Variants in VPS13B observed in about 807,000 individuals in gnomAD.
VPS13B encodes the protein vacuolar protein sorting 13 homolog B.
In VPS13B, 285 loss-of-function variants were observed where a neutral mutation model predicts 426.4. The observed-to-expected ratio is 0.67, with a 90% CI of 0.61 to 0.74. The LOEUF (loss-of-function observed/expected upper bound fraction) is 0.74, where lower values mean the gene tolerates loss of function less well. Among genes scored for constraint, VPS13B ranks in the 30% least tolerant of loss-of-function variants. VPS13B has a pLI of 0.00. For missense variants in VPS13B, 4,537 were observed against 4,782.6 expected, an observed-to-expected ratio of 0.95 and a Z score of 1.51; for synonymous variants, 1,676 against 1,676.4, an observed-to-expected ratio of 1.00 and a Z score of 0.01.
At chr8:99,073,553 T>C (rs1844944872) in intron 3 of VPS13B, among the ~76,000 whole-genome samples, 1 of 152,120 alleles carries the variant, frequency 6.6e-6, no homozygotes, top group African/African-American at 2.4e-5. Context: ...GAGATACTGC[T>C]GATTTTTCTA....
chr8:99,435,384 T>G (rs1817317588), intron 22 of VPS13B, among the ~76,000 whole-genome samples: 1 of 152,200 alleles, frequency 6.6e-6, no homozygotes, highest in Non-Finnish European at 1.5e-5. Context: ...TTTGAGTAGT[T>G]CTGTAATAGG....
intron 19 of VPS13B, among the ~76,000 whole-genome samples, chr8:99,289,398 T>C (rs1370300002): frequency 6.6e-6 from 1 of 152,130 alleles, no homozygotes. Flanking sequence ...TGCCGTTCTT[T>C]TTTGTTTTTA....
rs144181844 is a variant in VPS13B at position 99,297,105 on chromosome 8, A to T, written c.2824+21851A>T. Among the ~76,000 whole-genome samples the T allele has an allele frequency of 3.3e-3, 502 of 152,298 alleles. 2 individuals carry two copies. The highest frequency in any genetic ancestry group is 0.012 in the African/African-American group (480 of 41,578). On this transcript the variant is annotated intron_variant, in intron 19 of 61. Coordinates refer to ENST00000357162, the MANE Select transcript of VPS13B (RefSeq NM_152564.5). ...AAATTCAGAAAATTTGAGACTTTAGATGCTAAAATGTAAAATGAAAGTAAG... is the reference window on the plus strand; with the variant it reads ...AAATTCAGAAAATTTGAGACTTTAGTTGCTAAAATGTAAAATGAAAGTAAG...
chr8:99,602,493 C>T (rs995765417), intron 33 of VPS13B, among the ~76,000 whole-genome samples: 2 of 151,748 alleles, frequency 1.3e-5, no homozygotes, highest in Non-Finnish European at 2.9e-5. Flanking sequence ...TTTTGGCTCT[C>T]ACCACTCCTA....
intron 35 of VPS13B, among the ~76,000 whole-genome samples, chr8:99,668,807 C>A (rs1196477082): frequency 6.6e-6 from 1 of 152,076 alleles, no homozygotes; most frequent in African/African-American, 2.4e-5. Flanking sequence ...CATTGCAGTT[C>A]GGCAATCCTG....
At chr8:99,840,400 A>C (rs1308690560) in intron 54 of VPS13B, among the ~76,000 whole-genome samples, 1 of 152,224 alleles carries the variant, frequency 6.6e-6, no homozygotes, top group Non-Finnish European at 1.5e-5. Flanking sequence ...TCACTTTTTA[A>C]AAAATTGTGA....
At chr8:99,572,288 C>G (rs927756941) in intron 31 of VPS13B, among the ~76,000 whole-genome samples, 2 of 152,250 alleles carry the variant, frequency 1.3e-5, no homozygotes, top group East Asian at 3.9e-4. Context: ...TCATCTTTTA[C>G]CATGTACTTC....
intron 54 of VPS13B, among the ~76,000 whole-genome samples, chr8:99,839,585 G>C (rs907713216): frequency 3.9e-5 from 6 of 152,174 alleles, no homozygotes; most frequent in Non-Finnish European, 8.8e-5. Context: ...AACTAAGCAG[G>C]AGCAAGCCGG....
chr8:99,151,396 C>G lies in VPS13B; in HGVS notation c.2013+3386C>G, dbSNP rs535580876. ...TTTAGTGAAGTCCTGCTTATCAATTCTTTGTTTTATAGATTGTGCCTTTTG... is the reference window on the plus strand; with the variant it reads ...TTTAGTGAAGTCCTGCTTATCAATTGTTTGTTTTATAGATTGTGCCTTTTG... On this transcript the variant is annotated intron_variant, in intron 14 of 61. Transcript: ENST00000357162. Among the ~76,000 whole-genome samples, 9 of 152,120 alleles carry G rather than the reference C, an allele frequency of 5.9e-5. No individual in the cohort carries two copies. The South Asian group carries it at 1.7e-3, about 28-fold the overall frequency.
At chr8:99,201,345 A>T (rs1188599356) in intron 17 of VPS13B, among the ~76,000 whole-genome samples, 1 of 152,006 alleles carries the variant, frequency 6.6e-6, no homozygotes, top group Non-Finnish European at 1.5e-5. Context: ...TTCATTGATT[A>T]CTACTAAGAA....
At chr8:99,029,002 G>A (rs1314623317) in intron 2 of VPS13B, among the ~76,000 whole-genome samples, 1 of 150,154 alleles carries the variant, frequency 6.7e-6, no homozygotes, top group African/African-American at 2.5e-5. Flanking sequence ...CCGGGCGGAG[G>A]GGCTCCTCAC....
chr8:99,685,387 T>C (rs1308299377), intron 35 of VPS13B, among the ~76,000 whole-genome samples: 1 of 152,224 alleles, frequency 6.6e-6, no homozygotes, highest in Non-Finnish European at 1.5e-5. Flanking sequence ...AAAATCAGAC[T>C]GTTAGTTGGC....
At chr8:99,264,368 T>C (rs1818198458) in intron 17 of VPS13B, among the ~76,000 whole-genome samples, 1 of 152,146 alleles carries the variant, frequency 6.6e-6, no homozygotes, top group Admixed American at 6.5e-5. Flanking sequence ...TTTCTTGATT[T>C]ACTCTCTTTT....
chr8:99,282,520 C>T (rs1288777586), intron 19 of VPS13B, among the ~76,000 whole-genome samples: 2 of 152,124 alleles, frequency 1.3e-5, no homozygotes, highest in Non-Finnish European at 2.9e-5. Context: ...TATGAACCTA[C>T]TTGGAAAGCT....
intron 21 of VPS13B, among the ~76,000 whole-genome samples, chr8:99,429,092 G>A (rs1055835799): frequency 2.0e-5 from 3 of 152,088 alleles, no homozygotes; most frequent in African/African-American, 7.2e-5. Context: ...AGAACACATG[G>A]ACACAGGAAG....
chr8:99,167,167 C>G (rs1158301658), intron 15 of VPS13B, among the ~76,000 whole-genome samples: 1 of 152,086 alleles, frequency 6.6e-6, no homozygotes, highest in African/African-American at 2.4e-5. Flanking sequence ...GCAGTTTGAG[C>G]TCTAAAATTC....
chr8:99,197,146 A>G (rs1409997781), intron 17 of VPS13B, among the ~76,000 whole-genome samples: 2 of 152,158 alleles, frequency 1.3e-5, no homozygotes, highest in Non-Finnish European at 2.9e-5. Context: ...TATTTGTTGA[A>G]CCATCCTTGC....
chr8:99,380,873 T>C lies in VPS13B; in HGVS notation c.2825-3335T>C, dbSNP rs980312890. On this transcript the variant is annotated intron_variant, in intron 19 of 61. Coordinates refer to ENST00000357162, the MANE Select transcript of VPS13B (RefSeq NM_152564.5). ...CCTACCATCAGGCAGATACTTTTTC[T>C]TTCTTTTTTTTTTTTTTAAAAAAAA... Among the ~76,000 whole-genome samples, 67 of 151,264 alleles carry C rather than the reference T, an allele frequency of 4.4e-4. 1 individual carries two copies. The highest frequency in any genetic ancestry group is 1.5e-3 in the African/African-American group (62 of 41,312).
intron 14 of VPS13B, among the ~76,000 whole-genome samples, chr8:99,149,848 C>T (rs1810966026): frequency 6.6e-6 from 1 of 152,008 alleles, no homozygotes; most frequent in Admixed American, 6.6e-5. Context: ...GTGAACTGTG[C>T]ATGCAAGGGA....
Sources: gnomAD v4.1 joint callset for allele counts (sites outside exome capture counted in the v4.1 genomes callset) on GRCh38, gnomAD v4.1.1 for gene constraint, MANE v1.5 for transcripts, NCBI Gene and HGNC (gene_info 2026-07-23, HGNC 2026-07-21) for gene names.